Variants in CCDC68 observed in about 807,000 individuals in gnomAD.
The protein encoded by CCDC68 is coiled-coil domain-containing protein 68.
CCDC68 carries 45 observed loss-of-function variants against 47.1 expected under a neutral mutation model. The ratio of observed to expected loss-of-function variants is 0.96; its 90% CI spans 0.75 to 1.23. The LOEUF is 1.23. CCDC68 is among the 50% of genes most tolerant of loss of function. The pLI is 0.00. For synonymous variants in CCDC68, 131 were observed against 129.5 expected (o/e 1.01, Z -0.08); for missense variants, 353 against 373.6 (o/e 0.94, Z 0.45).
Position 54,904,042 on chromosome 18 carries a change from A to G in CCDC68, c.*316T>C. ...AAAAAAGTCAGAATTGACAATCTTAAAACAATCCCAGTAGAAAAAAAAATC... is the reference window on the plus strand; with the variant it reads ...AAAAAAGTCAGAATTGACAATCTTAGAACAATCCCAGTAGAAAAAAAAATC... On this transcript the variant is annotated 3_prime_UTR_variant, in exon 12 of 12. Transcript: ENST00000591504. 2 of 257,412 alleles carry G rather than the reference A, an allele frequency of 7.8e-6. No individual in the cohort carries two copies. Among genetic ancestry groups the G allele is most frequent in the Non-Finnish European group, 1.5e-5 (2 of 135,184 alleles). The allele number at this position is 257,412 out of a possible 1,614,324, so 15.9% of individuals were successfully genotyped here. A position where few individuals can be genotyped will look rare whatever the true frequency, so the allele number is the denominator to read the frequency against.
In CCDC68 at chr18:54,902,533, T is replaced by A. The variant is rs1174581267; in HGVS notation, c.*1825A>T. 1 of 152,202 alleles carries A rather than the reference T, an allele frequency of 6.6e-6. No homozygotes were observed. The highest frequency in any genetic ancestry group is 1.5e-5 in the Non-Finnish European group (1 of 68,022). The allele number at this position is 152,202 out of a possible 1,614,324, so 9.4% of individuals were successfully genotyped here. ...CTTCAATGTGACATAAAGTCATAAA[T>A]AATAAATGTATGATAAACAGATTTT... On this transcript the variant is annotated 3_prime_UTR_variant, in exon 12 of 12. Coordinates refer to ENST00000591504, the MANE Select transcript of CCDC68 (RefSeq NM_025214.3).
intron 8 of CCDC68, among the ~76,000 whole-genome samples, chr18:54,923,596 C>G (rs2145453425): frequency 6.6e-6 from 1 of 152,232 alleles, no homozygotes; most frequent in South Asian, 2.1e-4. Flanking sequence ...TTAGGACTGT[C>G]CAATAAATAT....
chr18:54,958,960 G>T (rs1173729880), intron 1 of CCDC68, among the ~76,000 whole-genome samples: 1 of 152,196 alleles, frequency 6.6e-6, no homozygotes, highest in Non-Finnish European at 1.5e-5. Context: ...CTAGGTCAGG[G>T]CGTTTACCGC....
chr18:54,914,273 T>C (rs975533377), intron 10 of CCDC68, among the ~76,000 whole-genome samples: 1 of 152,224 alleles, frequency 6.6e-6, no homozygotes, highest in African/African-American at 2.4e-5. Flanking sequence ...ATAAAGTCAC[T>C]CATCAGATAC....
In CCDC68 at chr18:54,930,633, C is replaced by CCTTCCTTCCTTCCTT. The variant is rs1451918978; in HGVS notation, c.601-1752_601-1751insAAGGAAGGAAGGAAG. On this transcript the variant is annotated intron_variant, in intron 7 of 11. Coordinates refer to ENST00000591504, the MANE Select transcript of CCDC68 (RefSeq NM_025214.3). ...TTCCTTCCCTTCCCTTCCCCTCCCT[C>CCTTCCTTCCTTCCTT]CCTCCCTCCCTCCCTCCCTCCCTTC... Among the ~76,000 whole-genome samples the CCTTCCTTCCTTCCTT allele has an allele frequency of 8.1e-4, 12 of 14,880 alleles. 2 individuals are homozygous for CCTTCCTTCCTTCCTT. In the South Asian group the frequency reaches 0.012, roughly 15 times the overall value. The allele number at this position is 14,880 out of a possible 152,430, so 9.8% of individuals were successfully genotyped here.
chr18:54,942,930 G>A (rs1304122438), intron 2 of CCDC68, 127 bp from the exon 3 acceptor site: 2 of 609,618 alleles, frequency 3.3e-6, no homozygotes, highest in Non-Finnish European at 5.8e-6. Context: ...TAAATCATTG[G>A]TATCTGTATA....
rs1379635531 is a variant in CCDC68, at chr18:54,909,832, C to G, written c.874-1970G>C. ...TGGAGATGCCAGGAACCGCAAGGCCCCAAAGAGAGAGTCACAGCCCTGGCT... is the reference window on the plus strand; with the variant it reads ...TGGAGATGCCAGGAACCGCAAGGCCGCAAAGAGAGAGTCACAGCCCTGGCT... On this transcript the variant is annotated intron_variant, in intron 10 of 11. Transcript: ENST00000591504. 7.9e-5 allele frequency among the ~76,000 whole-genome samples: 12 copies of G among 152,342 alleles called. 1 individual carries two copies. The East Asian group carries it at 1.7e-3, about 22-fold the overall frequency.
At chr18:54,919,828 C>T (rs184950415) in intron 8 of CCDC68, among the ~76,000 whole-genome samples, 13 of 152,146 alleles carry the variant, frequency 8.5e-5, no homozygotes, top group Admixed American at 3.3e-4. Flanking sequence ...TCTAATGATT[C>T]GGGCTTAGTA....
intron 1 of CCDC68, among the ~76,000 whole-genome samples, chr18:54,947,056 A>G (rs546788140): frequency 6.6e-6 from 1 of 152,334 alleles, no homozygotes; most frequent in African/African-American, 2.4e-5. Context: ...TGGTTGGTAT[A>G]AAGAAACCCA....
intron 4 of CCDC68, 34 bp downstream of exon 4, chr18:54,940,963 G>T: frequency 6.9e-7 from 1 of 1,456,474 alleles, no homozygotes; most frequent in Non-Finnish European, 9.6e-7. Context: ...AAGTCTAAAT[G>T]GCTTTATGCT....
intron 10 of CCDC68, among the ~76,000 whole-genome samples, chr18:54,917,206 A>C (rs1371772577): frequency 1.3e-5 from 2 of 152,220 alleles, no homozygotes; most frequent in African/African-American, 4.8e-5. Flanking sequence ...TAAAACACTG[A>C]AAAGTAAGAC....
intron 8 of CCDC68, among the ~76,000 whole-genome samples, chr18:54,921,347 G>A (rs1427330932): frequency 6.6e-6 from 1 of 152,064 alleles, no homozygotes; most frequent in Non-Finnish European, 1.5e-5. Flanking sequence ...TAAAATAAAA[G>A]TTGAAATTAA....
chr18:54,927,462 G>GA lies in CCDC68; in HGVS notation c.683+1337dup, dbSNP rs202220737. Among the ~76,000 whole-genome samples, 182 of 148,424 alleles carry GA rather than the reference G, an allele frequency of 1.2e-3. 1 individual carries two copies. The highest frequency in any genetic ancestry group is 3.5e-3 in the African/African-American group (143 of 40,608). On this transcript the variant is annotated intron_variant, in intron 8 of 11. Coordinates refer to ENST00000591504, the MANE Select transcript of CCDC68 (RefSeq NM_025214.3). ...TTTTTTTAAAACACATTTTTTAAAG[G>GA]AAAAAAAAAATCAAGCTTGGAAGGC...
At chr18:54,955,324 T>C (rs551923992) in intron 1 of CCDC68, among the ~76,000 whole-genome samples, 34 of 152,134 alleles carry the variant, frequency 2.2e-4, no homozygotes, top group Admixed American at 3.9e-4. Context: ...AACCCCGTCT[T>C]GAAAAACACA....
Position 54,902,811 on chromosome 18 carries a change from G to T in CCDC68, c.*1547C>A, listed in dbSNP as rs1343383301. 1 of 152,116 alleles carries T rather than the reference G, an allele frequency of 6.6e-6. No individual in the cohort carries two copies. Among genetic ancestry groups the T allele is most frequent in the Non-Finnish European group, 1.5e-5 (1 of 68,010 alleles). 9.4% of individuals were successfully genotyped at this position (152,116 alleles called of 1,614,324 possible). A position where few individuals can be genotyped will look rare whatever the true frequency, so the allele number is the denominator to read the frequency against. On this transcript the variant is annotated 3_prime_UTR_variant, in exon 12 of 12. Coordinates refer to ENST00000591504, the MANE Select transcript of CCDC68 (RefSeq NM_025214.3). ...TGAATATCAATAGCCAAGTCAAAAG[G>T]TTCAAATTTTTGCTTCACAGTTAGC...
In CCDC68 at chr18:54,910,443, G is replaced by T. The variant is rs934115377; in HGVS notation, c.874-2581C>A. On this transcript the variant is annotated intron_variant, in intron 10 of 11. Coordinates refer to ENST00000591504, the MANE Select transcript of CCDC68 (RefSeq NM_025214.3). ...CTGGGGCTTTCATGGCCTCAGAGGG[G>T]AAGGAAGTATGTGCTGATTGCTCCA... Among the ~76,000 whole-genome samples the T allele has an allele frequency of 2.6e-5, 4 of 152,334 alleles. No individual in the cohort carries two copies. The East Asian group carries it at 5.8e-4, about 22-fold the overall frequency.
intron 9 of CCDC68, 48 bp downstream of exon 9, chr18:54,919,223 C>A: frequency 7.0e-7 from 1 of 1,436,038 alleles, no homozygotes; most frequent in East Asian, 2.3e-5. Flanking sequence ...TTGGGCTCCA[C>A]GCTGTAAACA....
intron 10 of CCDC68, among the ~76,000 whole-genome samples, chr18:54,910,486 G>A (rs1914293209): frequency 6.6e-6 from 1 of 152,294 alleles, no homozygotes; most frequent in South Asian, 2.1e-4. Context: ...CCATGAATGG[G>A]CCCACAAAAG....
At chr18:54,950,077 T>C (rs1023226623) in intron 1 of CCDC68, among the ~76,000 whole-genome samples, 1 of 152,194 alleles carries the variant, frequency 6.6e-6, no homozygotes, top group African/African-American at 2.4e-5. Flanking sequence ...CGGTAGCTGC[T>C]CTATATCCTC....
Sources: allele counts gnomAD v4.1 joint callset (sites outside exome capture counted in the v4.1 genomes callset), GRCh38; gene constraint gnomAD v4.1.1; transcripts MANE v1.5; gene names NCBI Gene and HGNC (gene_info 2026-07-23, HGNC 2026-07-21).